The following NCALD variants were observed in gnomAD, a reference collection of about 807,000 sequenced individuals.
The protein encoded by NCALD is neurocalcin delta, also known as neurocalcin-delta.
In NCALD, 10 loss-of-function variants were observed where a neutral mutation model predicts 18.6. The ratio of observed to expected loss-of-function variants is 0.54; its 90% CI spans 0.33 to 0.91. The LOEUF (loss-of-function observed/expected upper bound fraction) is 0.91, where lower values mean the gene tolerates loss of function less well. NCALD is among the 40% of genes least tolerant of loss of function. The pLI is 0.03. For synonymous variants in NCALD, 88 were observed against 87.4 expected (o/e 1.01, Z -0.04); for missense variants, 184 against 247.6 (o/e 0.74, Z 1.72).
intron 2 of NCALD, among the ~76,000 whole-genome samples, chr8:101,972,016 G>A (rs1454818589): frequency 6.6e-6 from 1 of 152,172 alleles, no homozygotes; most frequent in Non-Finnish European, 1.5e-5. Flanking sequence ...AATTGGACCT[G>A]AACAGCCTTT....
chr8:101,897,796 C>T (rs888036742), intron 3 of NCALD, among the ~76,000 whole-genome samples: 5 of 152,278 alleles, frequency 3.3e-5, no homozygotes, highest in Middle Eastern at 3.4e-3. Context: ...ATGGTAATTC[C>T]ATTTTTTTGC....
intron 2 of NCALD, among the ~76,000 whole-genome samples, chr8:101,961,849 A>C (rs1166469054): frequency 1.3e-5 from 2 of 152,020 alleles, no homozygotes; most frequent in Non-Finnish European, 2.9e-5. Context: ...GAAAAAACAG[A>C]GGCTGGCTTT....
chr8:101,959,476 T>A (rs1030804480), intron 2 of NCALD, among the ~76,000 whole-genome samples: 2 of 152,218 alleles, frequency 1.3e-5, no homozygotes, highest in African/African-American at 4.8e-5. Flanking sequence ...ACTTTGAGAC[T>A]GCATAAATAT....
intron 4 of NCALD, among the ~76,000 whole-genome samples, chr8:101,825,012 C>A (rs1027977159): frequency 6.6e-6 from 1 of 152,180 alleles, no homozygotes; most frequent in Non-Finnish European, 1.5e-5. Flanking sequence ...CATTTTGTTT[C>A]CCTCTTCTTT....
At chr8:101,860,811 T>C (rs1035192506) in intron 4 of NCALD, among the ~76,000 whole-genome samples, 14 of 152,142 alleles carry the variant, frequency 9.2e-5, no homozygotes, top group East Asian at 5.8e-4. Flanking sequence ...TGTGTCAAAA[T>C]TGAAAAATCG....
chr8:101,786,337 G>A (rs1465167), intron 1 of NCALD, among the ~76,000 whole-genome samples: 96,112 of 152,104 alleles, frequency 0.63, 32,728 homozygotes, highest in Non-Finnish European at 0.76. Context: ...ATCCCATCAG[G>A]GGAGGACCTC....
chr8:101,795,278 C>T (rs956905507), upstream of NCALD, among the ~76,000 whole-genome samples: 2 of 152,118 alleles, frequency 1.3e-5, no homozygotes, highest in Non-Finnish European at 2.9e-5. Flanking sequence ...TTTTAAGTGC[C>T]AGGGTCTCAG....
intron 3 of NCALD, among the ~76,000 whole-genome samples, chr8:101,903,908 T>C (rs1426903488): frequency 1.3e-5 from 2 of 152,134 alleles, no homozygotes; most frequent in African/African-American, 2.4e-5. Flanking sequence ...GGGTGTGACA[T>C]GGCAAAGCCA....
At chr8:102,120,116 T>C (rs756840499) in intron 1 of NCALD, among the ~76,000 whole-genome samples, 11 of 152,228 alleles carry the variant, frequency 7.2e-5, no homozygotes, top group Non-Finnish European at 1.2e-4. Context: ...TTACTGACCA[T>C]GTGACCTTGA....
At chr8:101,929,297 G>A (rs1334243886) in intron 2 of NCALD, among the ~76,000 whole-genome samples, 9 of 41,948 alleles carry the variant, frequency 2.1e-4, no homozygotes, top group East Asian at 6.3e-4. Flanking sequence ...GGGAGGGAGG[G>A]AGGAAGAAAG....
chr8:101,798,856 AAT>A (rs1812736243), intron 4 of NCALD, among the ~76,000 whole-genome samples: 1 of 152,232 alleles, frequency 6.6e-6, no homozygotes, highest in Non-Finnish European at 1.5e-5. Flanking sequence ...TCACCACATA[AAT>A]ATGACCAATG....
At chr8:102,008,319 T>G (rs1418311377) in intron 2 of NCALD, among the ~76,000 whole-genome samples, 1 of 152,118 alleles carries the variant, frequency 6.6e-6, no homozygotes, top group African/African-American at 2.4e-5. Flanking sequence ...CCATCATGAC[T>G]GAGCAACCCT....
intron 1 of NCALD, among the ~76,000 whole-genome samples, chr8:101,727,127 A>G (rs1410103040): frequency 6.6e-6 from 1 of 152,174 alleles, no homozygotes; most frequent in Non-Finnish European, 1.5e-5. Flanking sequence ...TTTTCTCTGA[A>G]TCTTGTGCTC....
intron 1 of NCALD, among the ~76,000 whole-genome samples, chr8:101,724,267 G>A (rs1451922317): frequency 6.6e-6 from 1 of 152,208 alleles, no homozygotes; most frequent in Non-Finnish European, 1.5e-5. Flanking sequence ...TTGGCAGTCT[G>A]CATAGGCTGG....
chr8:101,938,623 T>C (rs1399153863), intron 2 of NCALD, among the ~76,000 whole-genome samples: 1 of 151,298 alleles, frequency 6.6e-6, no homozygotes, highest in Non-Finnish European at 1.5e-5. Context: ...TCTAATTATT[T>C]CTTAATAATG....
chr8:101,884,440 T>C (rs1816602683), intron 4 of NCALD, among the ~76,000 whole-genome samples: 1 of 152,214 alleles, frequency 6.6e-6, no homozygotes, highest in Non-Finnish European at 1.5e-5. Context: ...TCAATAAATA[T>C]TTATTGAACA....
chr8:102,089,204 T>A (rs546599490), intron 1 of NCALD, among the ~76,000 whole-genome samples: 75 of 152,154 alleles, frequency 4.9e-4, no homozygotes, highest in Middle Eastern at 3.4e-3. Flanking sequence ...ACCATCCTGG[T>A]TAACATGGTG....
chr8:102,066,203 A>G (rs1824003571), intron 1 of NCALD, among the ~76,000 whole-genome samples: 1 of 151,912 alleles, frequency 6.6e-6, no homozygotes, highest in African/African-American at 2.4e-5. Flanking sequence ...CACAATTGTC[A>G]CAATAACTTT....
intron 1 of NCALD, among the ~76,000 whole-genome samples, chr8:101,767,753 C>G (rs966181696): frequency 6.6e-6 from 1 of 152,232 alleles, no homozygotes; most frequent in Non-Finnish European, 1.5e-5. Context: ...ATGCAGAATT[C>G]CACTTTCCCT....
Sources: gnomAD v4.1 joint callset for allele counts (sites outside exome capture counted in the v4.1 genomes callset) on GRCh38, gnomAD v4.1.1 for gene constraint, MANE v1.5 for transcripts, NCBI Gene and HGNC (gene_info 2026-07-23, HGNC 2026-07-21) for gene names.